Variants in TMEM117 observed in about 807,000 individuals in gnomAD.
TMEM117 encodes transmembrane protein 117.
In TMEM117, 27 loss-of-function variants were observed where a neutral mutation model predicts 52.4. The observed-to-expected ratio is 0.51, with a 90% confidence interval of 0.38 to 0.71. TMEM117 has a LOEUF of 0.71. Ranked by LOEUF, TMEM117 falls within the 30% of genes least tolerant of loss-of-function variation. The probability of loss-of-function intolerance (pLI) is 0.00; values close to 1 mark genes in which losing one functional copy is unlikely to be tolerated. For missense variants in TMEM117, 556 were observed against 630.5 expected, an observed-to-expected ratio of 0.88 and a Z score of 1.26; for synonymous variants, 215 against 206.3, an observed-to-expected ratio of 1.04 and a Z score of -0.36.
chr12:44,392,936 G>A (rs1952168070), downstream of TMEM117, among the ~76,000 whole-genome samples: 1 of 152,062 alleles, frequency 6.6e-6, no homozygotes, highest in South Asian at 2.1e-4. Context: ...CTTGATGGAA[G>A]AACAAACATC....
intron 3 of TMEM117, among the ~76,000 whole-genome samples, chr12:43,951,454 G>C (rs1029349350): frequency 2.6e-5 from 4 of 152,188 alleles, no homozygotes; most frequent in Non-Finnish European, 5.9e-5. Flanking sequence ...AAGTTGCCAG[G>C]GGGAGGGGAA....
intron 5 of TMEM117, among the ~76,000 whole-genome samples, chr12:44,282,192 G>A (rs1725204709): frequency 1.3e-5 from 2 of 152,082 alleles, no homozygotes; most frequent in African/African-American, 2.4e-5. Context: ...GGAACTGTAA[G>A]TCCAATTAAA....
Position 44,325,189 on chromosome 12 carries a change from T to C in TMEM117, c.768+25450T>C, listed in dbSNP as rs571336216. 5.9e-5 allele frequency among the ~76,000 whole-genome samples: 9 copies of C among 152,338 alleles called. No individual in the cohort carries two copies. In the South Asian group the frequency reaches 1.5e-3, roughly 25 times the overall value. ...TTAAAATTTGGATTTTGTTTAGATT[T>C]TTAGCAAGGTAATATAGAACTGCAT... On this transcript the variant is annotated intron_variant, in intron 6 of 7. Transcript: ENST00000266534.
At chr12:43,991,788 C>T (rs977289484) in intron 3 of TMEM117, among the ~76,000 whole-genome samples, 2 of 152,138 alleles carry the variant, frequency 1.3e-5, no homozygotes, top group Admixed American at 6.5e-5. Flanking sequence ...ATACTATCAT[C>T]TTAAATGAGA....
intron 5 of TMEM117, among the ~76,000 whole-genome samples, chr12:44,288,914 A>G (rs1950667907): frequency 6.6e-6 from 1 of 152,138 alleles, no homozygotes; most frequent in Non-Finnish European, 1.5e-5. Flanking sequence ...ATTTCAAGTA[A>G]AACTTCAGTA....
intron 6 of TMEM117, among the ~76,000 whole-genome samples, chr12:44,347,328 G>A (rs1258305226): frequency 6.6e-6 from 1 of 152,072 alleles, no homozygotes; most frequent in Non-Finnish European, 1.5e-5. Context: ...TTCACAACCT[G>A]TGATAGAATC....
intron 6 of TMEM117, among the ~76,000 whole-genome samples, chr12:44,345,531 A>T (rs1164139281): frequency 6.6e-6 from 1 of 152,130 alleles, no homozygotes; most frequent in African/African-American, 2.4e-5. Flanking sequence ...ATGATTAAAT[A>T]AGAAAATATG....
At chr12:44,166,104 G>A (rs1948963779) in intron 4 of TMEM117, among the ~76,000 whole-genome samples, 1 of 152,124 alleles carries the variant, frequency 6.6e-6, no homozygotes. Context: ...GAAAATAAAA[G>A]TGTGCTCCTG....
At chr12:44,382,071 TAA>T in intron 7 of TMEM117, among the ~76,000 whole-genome samples, 1 of 152,344 alleles carries the variant, frequency 6.6e-6, no homozygotes, top group South Asian at 2.1e-4. Flanking sequence ...TTTCAGCTCT[TAA>T]GAGTTAACTA....
At chr12:44,228,560 G>T (rs1949892893) in intron 5 of TMEM117, among the ~76,000 whole-genome samples, 2 of 152,080 alleles carry the variant, frequency 1.3e-5, no homozygotes, top group African/African-American at 4.8e-5. Context: ...TCATAAAGAA[G>T]ATAAAGCAAT....
At chr12:44,373,034 T>C (rs1951885841) in intron 6 of TMEM117, among the ~76,000 whole-genome samples, 1 of 152,190 alleles carries the variant, frequency 6.6e-6, no homozygotes, top group African/African-American at 2.4e-5. Context: ...GCAACTAGGA[T>C]GGTTTTGTAT....
intron 6 of TMEM117, among the ~76,000 whole-genome samples, chr12:44,353,664 T>A (rs1443712162): frequency 6.6e-6 from 1 of 152,212 alleles, no homozygotes; most frequent in Non-Finnish European, 1.5e-5. Flanking sequence ...ATATGTCTGT[T>A]TTGGTACCAG....
chr12:44,237,018 T>C (rs921077382), intron 5 of TMEM117, among the ~76,000 whole-genome samples: 2 of 152,052 alleles, frequency 1.3e-5, no homozygotes, highest in Admixed American at 1.3e-4. Context: ...AAATCAGAGT[T>C]AGCAGGTCCC....
the TMEM117 span, among the ~76,000 whole-genome samples, chr12:43,808,448 T>A: frequency 5.9e-5 from 9 of 152,160 alleles, no homozygotes; most frequent in African/African-American, 1.9e-4. Flanking sequence ...GAAAGGCAAT[T>A]ATCACAGGAG....
At chr12:44,371,535 T>C (rs1798032) in intron 6 of TMEM117, among the ~76,000 whole-genome samples, 2,275 of 152,344 alleles carry the variant, frequency 0.015, 60 homozygotes, top group African/African-American at 0.048. Context: ...TCTGATACTA[T>C]GGCTTTAGTT....
chr12:44,165,612 G>A (rs1488246264), intron 4 of TMEM117, among the ~76,000 whole-genome samples: 1 of 152,042 alleles, frequency 6.6e-6, no homozygotes, highest in Non-Finnish European at 1.5e-5. Context: ...GTCAAAAACA[G>A]TCAAAAAAGA....
At chr12:44,004,328 C>A (rs900605658) in intron 3 of TMEM117, among the ~76,000 whole-genome samples, 2 of 152,082 alleles carry the variant, frequency 1.3e-5, no homozygotes, top group Admixed American at 6.6e-5. Context: ...ACTGCTGGGT[C>A]CATTGATCTA....
chr12:44,356,905 A>T (rs1951656864), intron 6 of TMEM117, among the ~76,000 whole-genome samples: 1 of 152,116 alleles, frequency 6.6e-6, no homozygotes, highest in Non-Finnish European at 1.5e-5. Flanking sequence ...CTAAGGACAA[A>T]TCTGATCATT....
intron 2 of TMEM117, among the ~76,000 whole-genome samples, chr12:43,891,948 C>T (rs1252650388): frequency 6.6e-6 from 1 of 152,182 alleles, no homozygotes; most frequent in African/African-American, 2.4e-5. Flanking sequence ...CACTGCTACA[C>T]TGTCAATATC....
Sources: allele counts gnomAD v4.1 joint callset (sites outside exome capture counted in the v4.1 genomes callset), GRCh38; gene constraint gnomAD v4.1.1; transcripts MANE v1.5; gene names NCBI Gene and HGNC (gene_info 2026-07-23, HGNC 2026-07-21).